ZNF292: variants seen among roughly 807,000 people sequenced by gnomAD.
ZNF292 encodes 16 zinc-finger domain protein.
In ZNF292, 26 loss-of-function variants were observed where a neutral mutation model predicts 217.9. The observed-to-expected ratio is 0.12, with a 90% CI of 0.09 to 0.17. The LOEUF (loss-of-function observed/expected upper bound fraction) is 0.17, where lower values mean the gene tolerates loss of function less well. ZNF292 is among the 10% of genes least tolerant of loss of function. ZNF292 has a pLI of 1.00. For missense variants in ZNF292, 2,904 were observed against 3,175.2 expected (o/e 0.91, Z 2.05); for synonymous variants, 1,257 against 1,124.1 (o/e 1.12, Z -2.37).
intron 1 of ZNF292, among the ~76,000 whole-genome samples, chr6:87,192,154 C>A (rs535946610): frequency 6.6e-6 from 1 of 152,160 alleles, no homozygotes; most frequent in Admixed American, 6.5e-5. Context: ...AACAACAGAC[C>A]GGGGAAGAAA....
At chr6:87,210,652 C>T (rs1372621803) in intron 1 of ZNF292, among the ~76,000 whole-genome samples, 3 of 152,008 alleles carry the variant, frequency 2.0e-5, no homozygotes, top group South Asian at 2.1e-4. Flanking sequence ...TGGTGGCGGG[C>T]GTCTGTAGTC....
intron 1 of ZNF292, among the ~76,000 whole-genome samples, chr6:87,171,284 T>A (rs1002278222): frequency 6.6e-6 from 1 of 152,114 alleles, no homozygotes; most frequent in Non-Finnish European, 1.5e-5. Flanking sequence ...AGGCTGGGGA[T>A]GAGAGAGAAG....
At chr6:87,229,239 T>C (rs1486719470) in intron 4 of ZNF292, among the ~76,000 whole-genome samples, 1 of 152,246 alleles carries the variant, frequency 6.6e-6, no homozygotes, top group Non-Finnish European at 1.5e-5. Flanking sequence ...CAGATGCAAC[T>C]GATATTTATG....
chr6:87,234,399 A>T (rs986527455), intron 5 of ZNF292, among the ~76,000 whole-genome samples: 1 of 152,062 alleles, frequency 6.6e-6, no homozygotes, highest in African/African-American at 2.4e-5. Context: ...CTCTACTAAA[A>T]ATACCAAAAA....
intron 7 of ZNF292, among the ~76,000 whole-genome samples, chr6:87,251,098 A>G (rs1317615574): frequency 1.3e-5 from 2 of 152,228 alleles, no homozygotes; most frequent in African/African-American, 4.8e-5. Flanking sequence ...AAAAAAACAC[A>G]TAAAGTAGTA....
rs939226786 is a variant in ZNF292, at chr6:87,257,673, G to A, written c.4044G>A (p.Gly1348=). The change falls in exon 8 of 8, where the codon GGG becomes GGA. Residue 1348 remains glycine (G), a synonymous_variant. Transcript: ENST00000369577. Reference sequence around the variant, plus strand: ...CTGAAAAAGTTAAAAAAGACCGTGGGCGGGGCCCAAATGGGAAGGAAAGAA... The same window carrying A: ...CTGAAAAAGTTAAAAAAGACCGTGGACGGGGCCCAAATGGGAAGGAAAGAA... ...SAPEKVKKDR[G]RGPNGKERKP... 5.6e-6 allele frequency: 9 copies of A among 1,611,548 alleles called. No individual in the cohort carries two copies. In the Admixed American group the frequency reaches 8.4e-5, roughly 15 times the overall value.
chr6:87,159,434 C>G (rs553027286), intron 1 of ZNF292, among the ~76,000 whole-genome samples: 107 of 150,636 alleles, frequency 7.1e-4, no homozygotes, highest in African/African-American at 2.5e-3. Flanking sequence ...ATGATCATAG[C>G]ACACTACAAC....
At chr6:87,175,452 C>G (rs555759288) in intron 1 of ZNF292, among the ~76,000 whole-genome samples, 22 of 152,272 alleles carry the variant, frequency 1.4e-4, no homozygotes, top group Admixed American at 9.8e-4. Flanking sequence ...TCTCCTGCCT[C>G]AGCCACCTGA....
chr6:87,241,109 C>T (rs1210522411), intron 5 of ZNF292, among the ~76,000 whole-genome samples: 2 of 152,092 alleles, frequency 1.3e-5, no homozygotes, highest in African/African-American at 4.8e-5. Flanking sequence ...ACAGTGAAAC[C>T]CCATCTCTAC....
Position 87,260,197 on chromosome 6 carries a change from A to G in ZNF292, c.6568A>G (p.Ile2190Val), listed in dbSNP as rs1775487848. The G allele has an allele frequency of 6.2e-7, 1 of 1,613,576 alleles. No individual in the cohort carries two copies. Among genetic ancestry groups the G allele is most frequent in the Non-Finnish European group, 8.5e-7 (1 of 1,179,576 alleles). Residue 2190 changes from isoleucine to valine, a missense_variant, in exon 8 of 8, where the codon ATA becomes GTA. By Grantham distance (29) the Ile-to-Val change is conservative. Around this residue, in one of 15 missense-constraint regions of ZNF292, gnomAD observed 261 missense variants for 272.8 expected, o/e 0.96. Transcript: ENST00000369577. ...AATTTTCCAAGCAATTACTGGCCTA[A>G]TACAACACTACATGAAACTTCATGA... is the stretch of plus-strand genomic sequence containing the variant. ...SRIFQAITGL[I>V]QHYMKLHEMT... is the part of the protein sequence containing the mutation.
chr6:87,158,790 A>T (rs968867057), intron 1 of ZNF292, among the ~76,000 whole-genome samples: 2 of 152,248 alleles, frequency 1.3e-5, no homozygotes, highest in Non-Finnish European at 2.9e-5. Flanking sequence ...GCGCAATCTA[A>T]ATATAGTACC....
intron 1 of ZNF292, among the ~76,000 whole-genome samples, chr6:87,201,592 C>T (rs1015189210): frequency 3.9e-5 from 6 of 152,024 alleles, no homozygotes; most frequent in African/African-American, 1.4e-4. Context: ...TTAGTAGAGA[C>T]GAGGTTTCTC....
chr6:87,250,974 T>C (rs1437659524), intron 7 of ZNF292, among the ~76,000 whole-genome samples: 1 of 152,192 alleles, frequency 6.6e-6, no homozygotes, highest in Non-Finnish European at 1.5e-5. Flanking sequence ...CAGTGCCTGG[T>C]ATAAAGTAGG....
At position 87,220,817 on chromosome 6, in the gene ZNF292, A is replaced by C. The variant is rs566171436; in HGVS notation, c.538+2086A>C. ...CATAGCCACTGGAATAATTAGGACTATGCAGCCAGGGGAGTTTTCTGCAAA... is the reference window on the plus strand; with the variant it reads ...CATAGCCACTGGAATAATTAGGACTCTGCAGCCAGGGGAGTTTTCTGCAAA... On this transcript the variant is annotated intron_variant, in intron 4 of 7. Coordinates refer to ENST00000369577, the MANE Select transcript of ZNF292 (RefSeq NM_015021.3). 1.1e-4 allele frequency among the ~76,000 whole-genome samples: 17 copies of C among 152,304 alleles called. No individual in the cohort carries two copies. In the East Asian group the frequency reaches 2.7e-3, roughly 24 times the overall value.
chr6:87,165,374 C>G (rs2127770698), intron 1 of ZNF292, among the ~76,000 whole-genome samples: 1 of 152,256 alleles, frequency 6.6e-6, no homozygotes, highest in African/African-American at 2.4e-5. Context: ...TTGAGCATTT[C>G]AAATCTGAAA....
At position 87,261,820 on chromosome 6, in the gene ZNF292, T is replaced by TA; in HGVS notation, c.*20dup. ...GTACTGATAATTAATGTAGTATAAA[T>TA]ACATCATTTACCATTTTATTTTAAA... On this transcript the variant is annotated 3_prime_UTR_variant, in exon 8 of 8. Coordinates refer to ENST00000369577, the MANE Select transcript of ZNF292 (RefSeq NM_015021.3). 7.0e-7 allele frequency: 1 copy of TA among 1,420,258 alleles called. No homozygotes were observed. The highest frequency in any genetic ancestry group is 2.4e-5 in the East Asian group (1 of 42,490). The allele number at this position is 1,420,258 out of a possible 1,614,324, so 88.0% of individuals were successfully genotyped here.
chr6:87,207,308 C>T (rs1272965504), intron 1 of ZNF292, among the ~76,000 whole-genome samples: 1 of 152,106 alleles, frequency 6.6e-6, no homozygotes, highest in East Asian at 1.9e-4. Flanking sequence ...CTAAAACTGT[C>T]CCTCTTAAGA....
intron 1 of ZNF292, among the ~76,000 whole-genome samples, chr6:87,192,419 C>T (rs1051438399): frequency 2.6e-5 from 4 of 151,480 alleles, no homozygotes; most frequent in Admixed American, 1.3e-4. Flanking sequence ...TCTTAGAATT[C>T]CATCATGGAT....
intron 4 of ZNF292, among the ~76,000 whole-genome samples, chr6:87,232,714 C>T (rs1773713337): frequency 1.3e-5 from 2 of 150,904 alleles, no homozygotes; most frequent in South Asian, 2.1e-4. Context: ...ACATAAAACC[C>T]ACAGAAGTTT....
Sources: allele counts gnomAD v4.1 joint callset (sites outside exome capture counted in the v4.1 genomes callset), GRCh38; gene constraint gnomAD v4.1.1; regional missense constraint gnomAD v4.1.1; transcripts MANE v1.5; gene names NCBI Gene and HGNC (gene_info 2026-07-23, HGNC 2026-07-21).